The following KDM6A variants were observed in gnomAD, a reference collection of about 807,000 sequenced individuals.
The protein encoded by KDM6A is lysine demethylase 6A.
A neutral mutation model predicts 117.6 loss-of-function variants in KDM6A; 11 were observed. That is an observed-to-expected ratio of 0.09 (90% CI 0.06 to 0.15). KDM6A has a LOEUF of 0.15. Among genes scored for constraint, KDM6A ranks in the 10% least tolerant of loss-of-function variants. The pLI is 1.00. For synonymous variants in KDM6A, 384 were observed against 396.1 expected, an observed-to-expected ratio of 0.97 and a Z score of 0.36; for missense variants, 799 against 1,077.3, an observed-to-expected ratio of 0.74 and a Z score of 3.62.
intron 18 of KDM6A, among the ~76,000 whole-genome samples, chrX:45,072,880 T>TAC (rs1556334360): frequency 2.8e-5 from 3 of 105,962 alleles, no homozygotes; most frequent in African/African-American, 1.0e-4. Flanking sequence ...TATATATATA[T>TAC]ACATATATAT....
At chrX:44,979,998 C>CTT (rs56817217) in intron 4 of KDM6A, among the ~76,000 whole-genome samples, 3 of 71,312 alleles carry the variant, frequency 4.2e-5, no homozygotes, top group Non-Finnish European at 8.5e-5. Context: ...TCTTTCTTTC[C>CTT]TTTTTTTTTT....
intron 2 of KDM6A, among the ~76,000 whole-genome samples, chrX:44,900,900 T>A (rs1461299143): frequency 4.5e-5 from 5 of 111,706 alleles, no homozygotes; most frequent in African/African-American, 1.6e-4. Context: ...AAGAAATGGT[T>A]TGTTTATTTT....
chrX:44,967,316 T>C (rs775686564), intron 3 of KDM6A, among the ~76,000 whole-genome samples: 33 of 111,767 alleles, frequency 3.0e-4, no homozygotes, highest in Non-Finnish European at 5.3e-4. Context: ...TACCTTTGGC[T>C]ACCTCCTTCT....
chrX:44,943,169 G>A (rs1254392876), intron 2 of KDM6A, among the ~76,000 whole-genome samples: 2 of 111,019 alleles, frequency 1.8e-5, no homozygotes, highest in African/African-American at 3.3e-5. Flanking sequence ...GAGATATTGG[G>A]AGTTTGGTTT....
At chrX:45,090,271 T>C (rs1358422956) in intron 26 of KDM6A, among the ~76,000 whole-genome samples, 1 of 112,387 alleles carries the variant, frequency 8.9e-6, no homozygotes, top group Non-Finnish European at 1.9e-5. Context: ...TTCATATGAA[T>C]AGCTCTGTAA....
At chrX:45,108,893 C>A (rs1427070601) in intron 28 of KDM6A, among the ~76,000 whole-genome samples, 10 of 99,450 alleles carry the variant, frequency 1.0e-4, no homozygotes, top group Non-Finnish European at 1.6e-4. Flanking sequence ...ACCGCACATT[C>A]TCACTCATAG....
intron 4 of KDM6A, among the ~76,000 whole-genome samples, chrX:44,987,293 A>G (rs1364062749): frequency 9.0e-6 from 1 of 111,110 alleles, no homozygotes; most frequent in Non-Finnish European, 1.9e-5. Context: ...TTTTGAGCCT[A>G]TGTGTGTCTC....
intron 3 of KDM6A, among the ~76,000 whole-genome samples, chrX:44,970,004 A>G (rs1156986591): frequency 7.1e-5 from 8 of 112,310 alleles, no homozygotes; most frequent in Non-Finnish European, 5.6e-5. Context: ...AGAAATAAGG[A>G]CTGTGCTTTG....
chrX:45,034,885 G>A (rs1158880903), intron 6 of KDM6A, 46 bp from the exon 7 acceptor site: 4 of 1,056,269 alleles, frequency 3.8e-6, no homozygotes, highest in Non-Finnish European at 5.3e-6. Context: ...ATGCTTTTGT[G>A]TGACTCTAAA....
At chrX:44,915,990 TAGAGAG>T (rs1384339984) in intron 2 of KDM6A, among the ~76,000 whole-genome samples, 2 of 111,814 alleles carry the variant, frequency 1.8e-5, no homozygotes, top group African/African-American at 3.2e-5. Context: ...ATACAATATT[TAGAGAG>T]AAAGACCACA....
At chrX:44,993,379 G>GC (rs2040714185) in intron 4 of KDM6A, among the ~76,000 whole-genome samples, 1 of 110,463 alleles carries the variant, frequency 9.1e-6, no homozygotes, top group African/African-American at 3.3e-5. Flanking sequence ...AATTTTAATT[G>GC]CTTTTTTTTT....
intron 2 of KDM6A, among the ~76,000 whole-genome samples, chrX:44,950,172 T>C (rs6520987): frequency 0.22 from 24,158 of 110,044 alleles, 4,360 homozygotes; most frequent in African/African-American, 0.61. Flanking sequence ...CGTGCCACCA[T>C]GCCTGGCTGA....
chrX:44,997,641 C>G (rs925523489), intron 4 of KDM6A, among the ~76,000 whole-genome samples: 1 of 111,584 alleles, frequency 9.0e-6, no homozygotes, highest in Admixed American at 9.5e-5. Context: ...CCTCCTCTAC[C>G]CAGCACTTCC....
chrX:44,890,032 T>C (rs753482430), intron 2 of KDM6A, among the ~76,000 whole-genome samples: 7 of 112,061 alleles, frequency 6.2e-5, no homozygotes, highest in African/African-American at 1.3e-4. Flanking sequence ...CACCAAAATA[T>C]ATGTCTTGTT....
At chrX:44,985,383 AG>A (rs1276671281) in intron 4 of KDM6A, among the ~76,000 whole-genome samples, 2 of 111,174 alleles carry the variant, frequency 1.8e-5, no homozygotes, top group East Asian at 2.8e-4. Context: ...CTCTTTTCCT[AG>A]TTTGAATACC....
chrX:44,959,123 C>G (rs985131743), intron 2 of KDM6A, among the ~76,000 whole-genome samples: 1 of 109,245 alleles, frequency 9.2e-6, no homozygotes, highest in Non-Finnish European at 1.9e-5. Context: ...TGCCTTTTTG[C>G]TCATTTTCAT....
chrX:45,006,358 G>C (rs931557237), intron 4 of KDM6A, among the ~76,000 whole-genome samples: 7 of 109,595 alleles, frequency 6.4e-5, no homozygotes, highest in Non-Finnish European at 1.3e-4. Context: ...TGCTGCAAAA[G>C]AAATAGCACT....
At chrX:44,901,354 T>C (rs1394658642) in intron 2 of KDM6A, among the ~76,000 whole-genome samples, 4 of 110,050 alleles carry the variant, frequency 3.6e-5, no homozygotes, top group Non-Finnish European at 5.7e-5. Flanking sequence ...AGACTCCATC[T>C]CAAAAAAATA....
chrX:45,000,666 G>A (rs772360892), intron 4 of KDM6A, among the ~76,000 whole-genome samples: 1 of 112,832 alleles, frequency 8.9e-6, no homozygotes, highest in Non-Finnish European at 1.9e-5. Context: ...CTTCCCTGTC[G>A]TGAGAGACAC....
Sources: allele counts gnomAD v4.1 joint callset (sites outside exome capture counted in the v4.1 genomes callset), GRCh38; gene constraint gnomAD v4.1.1; transcripts MANE v1.5; gene names NCBI Gene and HGNC (gene_info 2026-07-23, HGNC 2026-07-21).